CTC1: variants seen among roughly 807,000 people sequenced by gnomAD.
CTC1 encodes CST complex subunit CTC1.
A neutral mutation model predicts 136.3 loss-of-function variants in CTC1; 91 were observed. The observed-to-expected ratio is 0.67, with a 90% CI of 0.56 to 0.79. The LOEUF (loss-of-function observed/expected upper bound fraction) is 0.79, where lower values mean the gene tolerates loss of function less well. Ranked by LOEUF, CTC1 falls within the 30% of genes least tolerant of loss-of-function variation. The pLI is 0.00. For missense variants in CTC1, 1,432 were observed against 1,498.1 expected (o/e 0.96, Z 0.73); for synonymous variants, 606 against 613.8 (o/e 0.99, Z 0.19).
Position 8,234,823 on chromosome 17 carries a change from C to G in CTC1, c.1543G>C (p.Ala515Pro). The change falls in exon 9 of 23, where the codon GCT becomes CCT. Residue 515 changes from alanine to proline, a missense_variant. Transcript: ENST00000651323. ...QLLAPTLDLL[A>P]PPGSPVRNAH... is the part of the protein sequence containing the mutation. ...TTCCGAACAGGGCTGCCTGGCGGAGCTAGAAGATCCAGGGTAGGAGCCAGG... is the reference window on the plus strand; with the variant it reads ...TTCCGAACAGGGCTGCCTGGCGGAGGTAGAAGATCCAGGGTAGGAGCCAGG... 1 of 1,613,372 alleles carries G rather than the reference C, an allele frequency of 6.2e-7. No homozygotes were observed. Among genetic ancestry groups the G allele is most frequent in the Non-Finnish European group, 8.5e-7 (1 of 1,179,660 alleles).
Position 8,243,736 on chromosome 17 carries a change from A to G in CTC1, c.34-588T>C, listed in dbSNP as rs561432397. 2.6e-5 allele frequency among the ~76,000 whole-genome samples: 4 copies of G among 152,290 alleles called. No individual in the cohort carries two copies. In the East Asian group the frequency reaches 7.7e-4, roughly 29 times the overall value. ...AAAGTCAGTACGTTGAAGACCAAGA[A>G]TGGACAAAAACATTGTTGAACAATC... On this transcript the variant is annotated intron_variant, in intron 1 of 22. Transcript: ENST00000651323.
At chr17:8,233,136 A>C (rs1054928880) in intron 10 of CTC1, 104 bp from the exon 11 acceptor site, 1 of 1,313,732 alleles carries the variant, frequency 7.6e-7, no homozygotes, top group African/African-American at 1.5e-5. Flanking sequence ...CAAAATGAAC[A>C]AAAAAGACAC....
In CTC1 at chr17:8,234,921, C is replaced by A. The variant is rs1382862716; in HGVS notation, c.1445G>T (p.Cys482Phe). ...KALEELACKL[C>F]PHVLRHHQFL... ...CTGGTGGTGTCTCAGCACATGGGGA[C>A]ACAGCCTTGGCCAGGAAAAGCAGCA... Residue 482 changes from cysteine to phenylalanine, a missense_variant, in exon 9 of 23, where the codon TGT becomes TTT. Transcript: ENST00000651323. 1 of 1,599,654 alleles carries A rather than the reference C, an allele frequency of 6.3e-7. No individual in the cohort carries two copies. Among genetic ancestry groups the A allele is most frequent in the Non-Finnish European group, 8.5e-7 (1 of 1,172,232 alleles).
Position 8,228,758 on chromosome 17 carries a change from A to C in CTC1, c.3356T>G (p.Leu1119Trp). The change falls in exon 21 of 23, where the codon TTG becomes TGG. Residue 1119 changes from leucine (L) to tryptophan (W), a missense_variant. Physicochemically the swap from Leu to Trp is moderately conservative, Grantham distance 61. Transcript: ENST00000651323. ...DFVQVPGRVVLQFAGPGAQLE... is the reference protein window; with the variant it reads ...DFVQVPGRVVWQFAGPGAQLE... The stretch of plus-strand genomic sequence containing the variant: ...TTGGGCTCCAGGCCCTGCAAACTGC[A>C]AGACCACTCTGCCTGGCACTTGGAC... 6.2e-7 allele frequency: 1 copy of C among 1,614,128 alleles called. No homozygotes were observed. Among genetic ancestry groups the C allele is most frequent in the Non-Finnish European group, 8.5e-7 (1 of 1,179,990 alleles).
At position 8,234,539 on chromosome 17, in the gene CTC1, G is replaced by A. The variant is rs374985738; in HGVS notation, c.1734C>T (p.Ala578=). 345 of 1,569,292 alleles carry A rather than the reference G, an allele frequency of 2.2e-4. No homozygotes were observed. The highest frequency in any genetic ancestry group is 2.7e-4 in the Non-Finnish European group (317 of 1,156,438). Residue 578 remains alanine, a synonymous_variant, in exon 10 of 23, where the codon GCC becomes GCT. Coordinates refer to ENST00000651323, the MANE Select transcript of CTC1 (RefSeq NM_025099.6). ...DPKALLPLPE[A]SYLPSCQLNR... Reference sequence around the variant, plus strand: ...TGAGTTGGCAGCTGGGCAGGTAGGAGGCCTCCGGGAGGGGCAGAAGGGCCT... The same window carrying A: ...TGAGTTGGCAGCTGGGCAGGTAGGAAGCCTCCGGGAGGGGCAGAAGGGCCT...
chr17:8,236,714 C>T (rs933614806), intron 5 of CTC1, among the ~76,000 whole-genome samples: 2 of 152,146 alleles, frequency 1.3e-5, no homozygotes, highest in African/African-American at 4.8e-5. Flanking sequence ...GGAAGTATGA[C>T]AAACTGTTCT....
Position 8,236,208 on chromosome 17 carries a change from C to G in CTC1, c.927G>C (p.Leu309=), listed in dbSNP as rs1042428038. The change falls in exon 6 of 23, where the codon CTG becomes CTC. Residue 309 remains leucine (L), a synonymous_variant. Transcript: ENST00000651323. Reference sequence around the variant, plus strand: ...GCTCCTGCACACATTCTGGTTTCAGCAGCAACAGACGGGAGGACTGACTGG... The same window carrying G: ...GCTCCTGCACACATTCTGGTTTCAGGAGCAACAGACGGGAGGACTGACTGG... ...WMTSQSSRLL[L]LKPECVQELE... is the part of the protein sequence containing the mutation. 3 of 1,614,122 alleles carry G rather than the reference C, an allele frequency of 1.9e-6. No homozygotes were observed. In the African/African-American group the frequency reaches 4.0e-5, roughly 22 times the overall value.
In CTC1 at chr17:8,237,482, T is replaced by G. The variant is rs1217896364; in HGVS notation, c.685A>C (p.Ser229Arg). 1 of 1,613,512 alleles carries G rather than the reference T, an allele frequency of 6.2e-7. No individual in the cohort carries two copies. The highest frequency in any genetic ancestry group is 1.3e-5 in the African/African-American group (1 of 74,728). The change falls in exon 5 of 23, where the codon AGT becomes CGT. Residue 229 changes from serine to arginine, a missense_variant. Ser to Arg is a moderately radical substitution (Grantham distance 110). Transcript: ENST00000651323. ...ACCAGAGCACTCAATCGAACTAGAC[T>G]CCCAGCCAGGTTTCGCTGCACACCT... ...LRGVQRNLAG[S>R]LVRLSALVKS...
rs1987533999 is a variant in CTC1, at chr17:8,234,604, C to T, written c.1669G>A (p.Glu557Lys). 2.5e-6 allele frequency: 4 copies of T among 1,612,454 alleles called. No homozygotes were observed. Among genetic ancestry groups the T allele is most frequent in the Non-Finnish European group, 3.4e-6 (4 of 1,179,300 alleles). ...GCCCAGGCCTTACGCTGTCCTTCTT[C>T]TTTCAGGGTGGCCAGAGTGGGGAAG... ...SSFPTLATLKEEGQRKAWASF... is the reference protein window; with the variant it reads ...SSFPTLATLKKEGQRKAWASF... Residue 557 changes from glutamate (E) to lysine (K), a missense_variant, in exon 10 of 23, where the codon GAA (glutamate) becomes AAA (lysine). Physicochemically the swap from Glu to Lys is moderately conservative, Grantham distance 56. Coordinates refer to ENST00000651323, the MANE Select transcript of CTC1 (RefSeq NM_025099.6).
At chr17:8,242,881 C>G in intron 2 of CTC1, 104 bp downstream of exon 2, 11 of 1,013,768 alleles carry the variant, frequency 1.1e-5, no homozygotes, top group African/African-American at 1.7e-5. Flanking sequence ...TTGTCCTCCG[C>G]TCACTCTCTC....
rs922605347 is a variant in CTC1 at position 8,238,240 on chromosome 17, G to A, written c.438C>T (p.Leu146=). The part of the protein sequence containing the change: ...RDNTGVLSCE[L]IDLDLSWLGH... ...CCAACCAAGAAAGGTCCAGGTCTAT[G>A]AGCTAAGAAAGACCAAGAGCAAGGG... Residue 146 remains leucine (L), a splice_region_variant and synonymous_variant, in exon 4 of 23, where the codon CTC becomes CTT. Transcript: ENST00000651323. 6 of 1,598,756 alleles carry A rather than the reference G, an allele frequency of 3.8e-6. No individual in the cohort carries two copies. The highest frequency in any genetic ancestry group is 2.2e-5 in the South Asian group (2 of 89,758).
chr17:8,237,038 G>GTTT lies in CTC1; in HGVS notation c.792+334_792+336dup, dbSNP rs59734806. 3.9e-3 allele frequency among the ~76,000 whole-genome samples: 555 copies of GTTT among 142,914 alleles called. 5 individuals carry two copies. Among genetic ancestry groups the GTTT allele is most frequent in the African/African-American group, 0.013 (516 of 38,680 alleles). 93.8% of individuals were successfully genotyped at this position (142,914 alleles called of 152,430 possible). ...AAAAAGAGTCAACAGTAAGTACCAA[G>GTTT]TTTTTTTTTTTTTTTTAATGCCTGT... On this transcript the variant is annotated intron_variant, in intron 5 of 22. Transcript: ENST00000651323.
Position 8,227,746 on chromosome 17 carries a change from G to A in CTC1, c.*434C>T, listed in dbSNP as rs954743519. 1 of 156,220 alleles carries A rather than the reference G, an allele frequency of 6.4e-6. No individual in the cohort carries two copies. The highest frequency in any genetic ancestry group is 2.4e-5 in the African/African-American group (1 of 41,606). The allele number at this position is 156,220 out of a possible 1,614,324, so 9.7% of individuals were successfully genotyped here. On this transcript the variant is annotated 3_prime_UTR_variant, in exon 23 of 23. Coordinates refer to ENST00000651323, the MANE Select transcript of CTC1 (RefSeq NM_025099.6). ...GCAAAGGGCTGAAATGATGATGAAC[G>A]ACTAGGAGTTCCTAGGAGGTGGACA... is the stretch of plus-strand genomic sequence containing the variant.
Position 8,234,506 on chromosome 17 carries a change from G to A in CTC1, c.1767C>T (p.Arg589=). ...GCAGACAGAGCCAGGACCAAGCCAGGCGGCGATTGAGTTGGCAGCTGGGCA... is the reference window on the plus strand; with the variant it reads ...GCAGACAGAGCCAGGACCAAGCCAGACGGCGATTGAGTTGGCAGCTGGGCA... ...SYLPSCQLNR[R]LAWSWLCLLP... The change falls in exon 10 of 23, where the codon CGC becomes CGT. Residue 589 remains arginine (R), a synonymous_variant. Coordinates refer to ENST00000651323, the MANE Select transcript of CTC1 (RefSeq NM_025099.6). 6.4e-7 allele frequency: 1 copy of A among 1,554,756 alleles called. No individual in the cohort carries two copies. Among genetic ancestry groups the A allele is most frequent in the Non-Finnish European group, 8.7e-7 (1 of 1,148,406 alleles).
At chr17:8,242,092 C>T (rs1006879973) in intron 2 of CTC1, among the ~76,000 whole-genome samples, 33 of 151,614 alleles carry the variant, frequency 2.2e-4, no homozygotes, top group Non-Finnish European at 2.8e-4. Context: ...TGCAATGGTG[C>T]GATCTTGGCT....
At chr17:8,237,710 C>A in intron 4 of CTC1, among the ~76,000 whole-genome samples, 191 bp from the exon 5 acceptor site, 2 of 126,964 alleles carry the variant, frequency 1.6e-5, no homozygotes, top group East Asian at 2.1e-4. Flanking sequence ...AAAGCAGCAG[C>A]AGTCATCTTT....
chr17:8,236,584 C>T (rs969494723), intron 5 of CTC1, among the ~76,000 whole-genome samples: 61 of 152,176 alleles, frequency 4.0e-4, no homozygotes, highest in African/African-American at 1.4e-3. Flanking sequence ...CTTCAAAATA[C>T]ATAAATATTC....
At position 8,227,969 on chromosome 17, in the gene CTC1, G is replaced by C. The variant is rs1199826981; in HGVS notation, c.*211C>G. 9 of 540,986 alleles carry C rather than the reference G, an allele frequency of 1.7e-5. No homozygotes were observed. The highest frequency in any genetic ancestry group is 2.6e-5 in the Non-Finnish European group (8 of 302,314). The allele number at this position is 540,986 out of a possible 1,614,324, so 33.5% of individuals were successfully genotyped here. On this transcript the variant is annotated 3_prime_UTR_variant, in exon 23 of 23. Coordinates refer to ENST00000651323, the MANE Select transcript of CTC1 (RefSeq NM_025099.6). ...ATGCAGGTGCCTTGTCCCAATCAGA[G>C]GACATATTAATAGGGCCATGATTTC...
intron 10 of CTC1, 35 bp downstream of exon 10, chr17:8,234,420 G>A: frequency 1.3e-6 from 2 of 1,540,564 alleles, no homozygotes; most frequent in Non-Finnish European, 1.8e-6. Flanking sequence ...TGACAAAAAG[G>A]GAAATCACCT....
Sources: gnomAD v4.1 joint callset for allele counts (sites outside exome capture counted in the v4.1 genomes callset) on GRCh38, gnomAD v4.1.1 for gene constraint, MANE v1.5 for transcripts, NCBI Gene and HGNC (gene_info 2026-07-23, HGNC 2026-07-21) for gene names.